STPG2: variants seen among roughly 807,000 people sequenced by gnomAD.
STPG2 encodes the protein sperm-tail PG-rich repeat-containing protein 2.
In STPG2, 56 loss-of-function variants were observed where a neutral mutation model predicts 54.2. The ratio of observed to expected loss-of-function variants is 1.03; its 90% CI spans 0.83 to 1.29. The LOEUF is 1.29. Ranked by LOEUF, STPG2 falls within the 50% of genes most tolerant of loss-of-function variation. The pLI, the probability that STPG2 is intolerant of heterozygous loss-of-function variation, is 0.00. For synonymous variants in STPG2, 200 were observed against 181.8 expected (o/e 1.10, Z -0.81); for missense variants, 596 against 544.9 (o/e 1.09, Z -0.93).
At chr4:97,749,745 A>T (rs1725528006) in intron 9 of STPG2, among the ~76,000 whole-genome samples, 1 of 151,802 alleles carries the variant, frequency 6.6e-6, no homozygotes, top group Non-Finnish European at 1.5e-5. Flanking sequence ...AGGAAACATA[A>T]GAGACTATTT....
chr4:97,794,548 C>A (rs1290285244), intron 9 of STPG2, among the ~76,000 whole-genome samples: 2 of 152,118 alleles, frequency 1.3e-5, no homozygotes, highest in Admixed American at 1.3e-4. Context: ...AATGAAGCTC[C>A]AATAAGTATA....
intron 9 of STPG2, among the ~76,000 whole-genome samples, chr4:97,740,572 A>G (rs1725191081): frequency 6.6e-6 from 1 of 152,118 alleles, no homozygotes; most frequent in African/African-American, 2.4e-5. Context: ...CCAATAACAG[A>G]CAAACAGAGA....
intron 10 of STPG2, among the ~76,000 whole-genome samples, chr4:97,601,645 A>G (rs1733465448): frequency 6.6e-6 from 1 of 151,888 alleles, no homozygotes; most frequent in Admixed American, 6.6e-5. Context: ...TTTCATATCA[A>G]GGATCCATAT....
chr4:98,084,030 GTTGT>G (rs909872166), intron 5 of STPG2, among the ~76,000 whole-genome samples: 4 of 151,974 alleles, frequency 2.6e-5, no homozygotes, highest in East Asian at 1.9e-4. Context: ...TTTTGTTGTT[GTTGT>G]TTGTTTGTTT....
intron 4 of STPG2, among the ~76,000 whole-genome samples, chr4:97,460,930 T>C (rs1729646563): frequency 6.6e-6 from 1 of 152,240 alleles, no homozygotes; most frequent in South Asian, 2.1e-4. Flanking sequence ...TATGGATCCA[T>C]GTGGTTGCAT....
intron 9 of STPG2, among the ~76,000 whole-genome samples, chr4:97,720,514 G>A (rs563893553): frequency 6.6e-6 from 1 of 151,900 alleles, no homozygotes; most frequent in East Asian, 1.9e-4. Flanking sequence ...CATCAAATTT[G>A]CCAAACAAAT....
chr4:97,542,843 C>T (rs1236853846), intron 4 of STPG2, among the ~76,000 whole-genome samples: 1 of 151,992 alleles, frequency 6.6e-6, no homozygotes, highest in East Asian at 1.9e-4. Context: ...AGCTGGAAAC[C>T]ATCATTCTCA....
intron 4 of STPG2, among the ~76,000 whole-genome samples, chr4:97,451,135 C>T (rs531090007): frequency 3.9e-5 from 6 of 152,086 alleles, no homozygotes; most frequent in East Asian, 3.9e-4. Flanking sequence ...CAAGACTTTA[C>T]GAACTCTCAA....
intron 4 of STPG2, among the ~76,000 whole-genome samples, chr4:97,545,744 A>T (rs1731821356): frequency 1.3e-5 from 2 of 152,122 alleles, no homozygotes; most frequent in African/African-American, 4.8e-5. Flanking sequence ...AAAAAACCTA[A>T]CAATATGAGG....
chr4:97,538,163 C>T (rs1398872600), intron 4 of STPG2, among the ~76,000 whole-genome samples: 1 of 152,218 alleles, frequency 6.6e-6, no homozygotes, highest in African/African-American at 2.4e-5. Flanking sequence ...GAATGCAGCT[C>T]CTCACCAGCA....
intron 5 of STPG2, among the ~76,000 whole-genome samples, chr4:97,985,315 G>A (rs1734797578): frequency 6.6e-6 from 1 of 152,122 alleles, no homozygotes; most frequent in Non-Finnish European, 1.5e-5. Flanking sequence ...ATTTCTGGAA[G>A]GAAGAGCAAA....
At chr4:97,744,818 AGTAAC>A (rs1456699947) in intron 9 of STPG2, among the ~76,000 whole-genome samples, 1 of 151,446 alleles carries the variant, frequency 6.6e-6, no homozygotes, top group Non-Finnish European at 1.5e-5. Context: ...GTTGGCCACA[AGTAAC>A]GGAAACCCGC....
At chr4:97,675,879 T>A (rs1054557282) in intron 10 of STPG2, among the ~76,000 whole-genome samples, 1 of 148,292 alleles carries the variant, frequency 6.7e-6, no homozygotes, top group Non-Finnish European at 1.5e-5. Flanking sequence ...TTATTGTATA[T>A]ACAGTATAGG....
At chr4:97,630,577 A>C (rs1034739766) in intron 10 of STPG2, among the ~76,000 whole-genome samples, 3 of 151,908 alleles carry the variant, frequency 2.0e-5, no homozygotes, top group African/African-American at 7.2e-5. Context: ...CATCTCACAC[A>C]TCTTATCAGA....
chr4:97,644,625 A>T (rs1721858492), intron 10 of STPG2, among the ~76,000 whole-genome samples: 1 of 151,996 alleles, frequency 6.6e-6, no homozygotes, highest in African/African-American at 2.4e-5. Flanking sequence ...CTACTAGGGG[A>T]CATTTGATTT....
At chr4:97,695,038 G>C (rs28838303) in intron 10 of STPG2, among the ~76,000 whole-genome samples, 1 of 148,004 alleles carries the variant, frequency 6.8e-6, no homozygotes, top group African/African-American at 2.5e-5. Flanking sequence ...ATAACAAAAA[G>C]AGAAAACTAT....
intron 5 of STPG2, among the ~76,000 whole-genome samples, chr4:98,085,914 C>T (rs1042808846): frequency 1.3e-5 from 2 of 151,902 alleles, no homozygotes; most frequent in African/African-American, 2.4e-5. Context: ...TATCACAGTC[C>T]TCATGTTCCT....
chr4:98,034,373 T>C (rs1487772917), intron 5 of STPG2, among the ~76,000 whole-genome samples: 1 of 152,116 alleles, frequency 6.6e-6, no homozygotes, highest in Non-Finnish European at 1.5e-5. Context: ...ATAAAATACC[T>C]AGGAATACAA....
At chr4:97,806,890 G>A (rs1201400725) in intron 9 of STPG2, among the ~76,000 whole-genome samples, 1 of 152,086 alleles carries the variant, frequency 6.6e-6, no homozygotes, top group Non-Finnish European at 1.5e-5. Context: ...AAGTGCATAT[G>A]AACCAAGACA....
Sources: gnomAD v4.1 joint callset for allele counts (sites outside exome capture counted in the v4.1 genomes callset) on GRCh38, gnomAD v4.1.1 for gene constraint, MANE v1.5 for transcripts, NCBI Gene and HGNC (gene_info 2026-07-23, HGNC 2026-07-21) for gene names.